Variants in SRBD1 observed in about 807,000 individuals in gnomAD.
SRBD1 encodes the protein S1 RNA-binding domain-containing protein 1.
Under a neutral mutation model 115.3 loss-of-function variants are expected in SRBD1, and 88 were observed. The observed-to-expected ratio is 0.76, with a 90% confidence interval of 0.64 to 0.91. The LOEUF is 0.91. Among genes scored for constraint, SRBD1 ranks in the 40% least tolerant of loss-of-function variants. The pLI, the probability that SRBD1 is intolerant of heterozygous loss-of-function variation, is 0.00. For synonymous variants in SRBD1, 509 were observed against 407.7 expected (o/e 1.25, Z -2.99); for missense variants, 1,385 against 1,177.4 (o/e 1.18, Z -2.58).
chr2:45,546,838 A>G lies in SRBD1; in HGVS notation c.1768T>C (p.Cys590Arg). The G allele has an allele frequency of 6.2e-7, 1 of 1,613,992 alleles. No homozygotes were observed. The highest frequency in any genetic ancestry group is 8.5e-7 in the Non-Finnish European group (1 of 1,179,892). ...KIKTLLLNFNCSTVVIGNGTA... is the reference protein window; with the variant it reads ...KIKTLLLNFNRSTVVIGNGTA... Reference sequence around the variant, plus strand: ...CCATTTCCAATCACTACTGTGCTGCAGCTTCAAGGCAGAAACAGAATGACA... The same window carrying G: ...CCATTTCCAATCACTACTGTGCTGCGGCTTCAAGGCAGAAACAGAATGACA... The change falls in exon 14 of 21, where the codon TGC becomes CGC. Residue 590 changes from cysteine to arginine, a missense_variant and splice_region_variant. By Grantham distance (180) the Cys-to-Arg change is radical (BLOSUM62 -3). Transcript: ENST00000263736.
intron 14 of SRBD1, among the ~76,000 whole-genome samples, chr2:45,492,682 G>A (rs958555630): frequency 7.2e-5 from 11 of 151,838 alleles, no homozygotes; most frequent in African/African-American, 2.4e-4. Context: ...CTCGTGATCC[G>A]CCTGCCTCGG....
intron 5 of SRBD1, among the ~76,000 whole-genome samples, chr2:45,584,033 T>A (rs149280979): frequency 3.3e-5 from 5 of 152,336 alleles, no homozygotes; most frequent in Non-Finnish European, 7.3e-5. Flanking sequence ...CTTGTGAGGC[T>A]TTCTCCAATT....
Position 45,389,266 on chromosome 2 carries a change from T to C in SRBD1, c.*44A>G. The stretch of plus-strand genomic sequence containing the variant: ...CAACTGACTTATCCTTGTCAATCTG[T>C]GGAAATGAGAAAATAAAATCAGCGT... On this transcript the variant is annotated 3_prime_UTR_variant, in exon 21 of 21. Coordinates refer to ENST00000263736, the MANE Select transcript of SRBD1 (RefSeq NM_018079.5). 6.3e-7 allele frequency: 1 copy of C among 1,588,712 alleles called. No homozygotes were observed. The highest frequency in any genetic ancestry group is 8.6e-7 in the Non-Finnish European group (1 of 1,165,692).
At chr2:45,471,426 T>C (rs1228298033) in intron 16 of SRBD1, among the ~76,000 whole-genome samples, 4 of 152,216 alleles carry the variant, frequency 2.6e-5, no homozygotes, top group Non-Finnish European at 4.4e-5. Context: ...ACTCATACTA[T>C]AATTTTAAAA....
At chr2:45,567,132 T>A (rs1356205680) in intron 9 of SRBD1, among the ~76,000 whole-genome samples, 1 of 152,176 alleles carries the variant, frequency 6.6e-6, no homozygotes, top group East Asian at 1.9e-4. Context: ...GAAAAGAATG[T>A]CAAAAGATAA....
chr2:45,555,066 C>T (rs1027442526), intron 10 of SRBD1, among the ~76,000 whole-genome samples: 3 of 151,868 alleles, frequency 2.0e-5, no homozygotes, highest in Admixed American at 2.0e-4. Context: ...AAATTTCCAG[C>T]TCCTTTCCCT....
chr2:45,527,892 T>C (rs1257600969), intron 14 of SRBD1, among the ~76,000 whole-genome samples: 6 of 151,882 alleles, frequency 4.0e-5, no homozygotes, highest in Admixed American at 1.3e-4. Context: ...ATAGGAATCA[T>C]TGCTATCTGA....
chr2:45,402,561 G>A (rs7581815), intron 19 of SRBD1, among the ~76,000 whole-genome samples: 34,705 of 152,116 alleles, frequency 0.23, 4,030 homozygotes, highest in South Asian at 0.3. Flanking sequence ...TACACAGGCT[G>A]TTAACCACTT....
intron 14 of SRBD1, among the ~76,000 whole-genome samples, chr2:45,510,150 G>A (rs928350707): frequency 2.6e-5 from 4 of 152,122 alleles, no homozygotes; most frequent in African/African-American, 9.7e-5. Context: ...TAGCACGCAT[G>A]TTTATGTGTG....
intron 9 of SRBD1, among the ~76,000 whole-genome samples, chr2:45,565,657 T>C (rs993420840): frequency 1.3e-5 from 2 of 152,152 alleles, no homozygotes; most frequent in African/African-American, 4.8e-5. Context: ...CCTCAAAGAA[T>C]AGTATCAAGA....
chr2:45,492,443 T>C (rs1473875048), intron 14 of SRBD1, among the ~76,000 whole-genome samples: 1 of 152,092 alleles, frequency 6.6e-6, no homozygotes, highest in Admixed American at 6.5e-5. Flanking sequence ...TTTTCTGTTG[T>C]TGTTGTTGTT....
intron 1 of SRBD1, among the ~76,000 whole-genome samples, chr2:45,609,421 GCCCT>G (rs992519978): frequency 4.6e-5 from 7 of 152,082 alleles, no homozygotes; most frequent in African/African-American, 1.4e-4. Context: ...CCTCTTAACT[GCCCT>G]CCCTACTTCC....
At chr2:45,543,626 G>T (rs1416186614) in intron 14 of SRBD1, among the ~76,000 whole-genome samples, 1 of 147,544 alleles carries the variant, frequency 6.8e-6, no homozygotes, top group South Asian at 2.1e-4. Context: ...AGAAAACATG[G>T]TTTTCTCAAA....
At chr2:45,525,937 A>G (rs1234283103) in intron 14 of SRBD1, among the ~76,000 whole-genome samples, 3 of 152,044 alleles carry the variant, frequency 2.0e-5, no homozygotes, top group African/African-American at 7.2e-5. Context: ...CTTCATACCC[A>G]TTAAGATGGT....
intron 16 of SRBD1, among the ~76,000 whole-genome samples, chr2:45,422,923 T>TA (rs1668048907): frequency 6.6e-6 from 1 of 152,150 alleles, no homozygotes; most frequent in Admixed American, 6.5e-5. Flanking sequence ...GACAGTGAAG[T>TA]AAAACCTACA....
chr2:45,605,081 A>C (rs1292758830), intron 2 of SRBD1, among the ~76,000 whole-genome samples: 1 of 152,218 alleles, frequency 6.6e-6, no homozygotes, highest in Non-Finnish European at 1.5e-5. Context: ...CCTGCTCTAA[A>C]GCAATATATA....
At chr2:45,397,738 G>A (rs549156564) in intron 19 of SRBD1, among the ~76,000 whole-genome samples, 2 of 152,278 alleles carry the variant, frequency 1.3e-5, no homozygotes, top group South Asian at 4.1e-4. Flanking sequence ...CAAGTAGCTG[G>A]AACCACAAGC....
chr2:45,586,131 T>C (rs1673514750), intron 4 of SRBD1, among the ~76,000 whole-genome samples: 3 of 152,222 alleles, frequency 2.0e-5, no homozygotes, highest in Admixed American at 2.0e-4. Flanking sequence ...GAAAGCCATT[T>C]TTAGTCATTG....
chr2:45,475,802 G>A (rs1359398655), intron 16 of SRBD1, among the ~76,000 whole-genome samples: 3 of 152,180 alleles, frequency 2.0e-5, no homozygotes, highest in Non-Finnish European at 4.4e-5. Flanking sequence ...GGGTTCAAGC[G>A]ATTGTCCTGC....
Sources: gnomAD v4.1 joint callset for allele counts (sites outside exome capture counted in the v4.1 genomes callset) on GRCh38, gnomAD v4.1.1 for gene constraint, MANE v1.5 for transcripts, NCBI Gene and HGNC (gene_info 2026-07-23, HGNC 2026-07-21) for gene names.